The following ASS1 variants were observed in gnomAD, a reference collection of about 807,000 sequenced individuals.
ASS1 encodes argininosuccinate synthase 1, also known as argininosuccinate synthase.
Under a neutral mutation model 60.5 loss-of-function variants are expected in ASS1, and 58 were observed. The observed-to-expected ratio is 0.96, with a 90% CI of 0.78 to 1.19. The LOEUF is 1.19. Ranked by LOEUF, ASS1 falls within the 50% of genes most tolerant of loss-of-function variation. ASS1 has a pLI of 0.00. For missense variants in ASS1, 454 were observed against 547.3 expected (o/e 0.83, Z 1.70); for synonymous variants, 200 against 206.9 (o/e 0.97, Z 0.29).
At chr9:130,492,032 G>A (rs1244603510) in intron 12 of ASS1, among the ~76,000 whole-genome samples, 2 of 152,192 alleles carry the variant, frequency 1.3e-5, no homozygotes, top group Non-Finnish European at 2.9e-5. Context: ...TCTGAAGAGT[G>A]GGAATAACAG....
chr9:130,500,427 GCTCC>G (rs1221199849), intron 14 of ASS1, among the ~76,000 whole-genome samples: 2 of 152,172 alleles, frequency 1.3e-5, no homozygotes, highest in East Asian at 1.9e-4. Flanking sequence ...TCCATCACCA[GCTCC>G]CTTCTCATGG....
chr9:130,495,436 C>A (rs1846564458), intron 13 of ASS1, among the ~76,000 whole-genome samples: 1 of 146,434 alleles, frequency 6.8e-6, no homozygotes, highest in East Asian at 2.0e-4. Context: ...TATATACACA[C>A]ACACATACAT....
At chr9:130,490,935 C>T (rs570407462) in intron 12 of ASS1, among the ~76,000 whole-genome samples, 13 of 152,288 alleles carry the variant, frequency 8.5e-5, no homozygotes, top group Middle Eastern at 3.4e-3. Flanking sequence ...TGAGGCCGAT[C>T]CTCACATCTT....
chr9:130,499,362 G>C, intron 13 of ASS1, 143 bp from the exon 14 acceptor site: 1 of 853,298 alleles, frequency 1.2e-6, no homozygotes, highest in South Asian at 1.5e-5. Flanking sequence ...TCAATGGAAA[G>C]CCGACGTGCA....
chr9:130,467,045 C>T (rs373463553), intron 6 of ASS1, among the ~76,000 whole-genome samples: 4 of 152,216 alleles, frequency 2.6e-5, no homozygotes, highest in Non-Finnish European at 5.9e-5. Flanking sequence ...CCCAGTCCCC[C>T]GAGCCAGAGG....
chr9:130,452,902 C>G (rs1042638296), intron 2 of ASS1, among the ~76,000 whole-genome samples: 1 of 152,192 alleles, frequency 6.6e-6, no homozygotes, highest in Admixed American at 6.5e-5. Context: ...GAGTCCTTCT[C>G]TGTGTGGCTG....
intron 1 of ASS1, among the ~76,000 whole-genome samples, chr9:130,450,595 T>C (rs1339335003): frequency 1.3e-5 from 2 of 152,216 alleles, no homozygotes; most frequent in East Asian, 3.9e-4. Flanking sequence ...AGCACAGGCC[T>C]GTGAGCCCCG....
At chr9:130,483,167 T>C (rs1846211072) in intron 11 of ASS1, among the ~76,000 whole-genome samples, 1 of 151,950 alleles carries the variant, frequency 6.6e-6, no homozygotes, top group Non-Finnish European at 1.5e-5. Flanking sequence ...CACTGTGGAT[T>C]CCCCCATGAC....
chr9:130,484,719 GTT>G (rs796178098), intron 11 of ASS1, among the ~76,000 whole-genome samples: 1 of 146,460 alleles, frequency 6.8e-6, no homozygotes, highest in Non-Finnish European at 1.5e-5. Flanking sequence ...TTCTGTCACT[GTT>G]TTTTTTTTCC....
intron 13 of ASS1, among the ~76,000 whole-genome samples, chr9:130,496,359 C>T (rs1289650210): frequency 1.3e-5 from 2 of 151,750 alleles, no homozygotes; most frequent in Admixed American, 6.6e-5. Flanking sequence ...AGATCAAGGG[C>T]GCATTGAGCC....
rs1226727006 is a variant in ASS1 at position 130,465,052 on chromosome 9, A to AT, written c.420+886dup. 6.6e-3 allele frequency among the ~76,000 whole-genome samples: 466 copies of AT among 70,256 alleles called. 1 individual carries two copies. The highest frequency in any genetic ancestry group is 0.01 in the Non-Finnish European group (350 of 34,394). 46.1% of individuals were successfully genotyped at this position (70,256 alleles called of 152,430 possible). A position where few individuals can be genotyped will look rare whatever the true frequency, so the allele number is the denominator to read the frequency against. On this transcript the variant is annotated intron_variant, in intron 5 of 14. Transcript: ENST00000352480. ...ATATGTTTTATATATATATATATAT[A>AT]TATATTTTTTTTTTTTCTTTTTCTG...
chr9:130,445,266 A>G (rs988988181), intron 1 of ASS1: 21 of 951,610 alleles, frequency 2.2e-5, no homozygotes, highest in Non-Finnish European at 2.6e-5. Context: ...GGGTCCGAAG[A>G]GCGGCTCGGG....
chr9:130,469,251 C>T (rs147935567), intron 6 of ASS1, among the ~76,000 whole-genome samples: 272 of 152,230 alleles, frequency 1.8e-3, no homozygotes, highest in African/African-American at 6.3e-3. Flanking sequence ...GGGCACAGGG[C>T]GAGTGTGTGG....
chr9:130,469,990 A>G (rs1334700956), intron 6 of ASS1, among the ~76,000 whole-genome samples: 1 of 152,170 alleles, frequency 6.6e-6, no homozygotes, highest in Non-Finnish European at 1.5e-5. Context: ...CCTGTGCCCT[A>G]TAAGCTTGGG....
At chr9:130,490,462 C>T (rs752579806) in intron 12 of ASS1, among the ~76,000 whole-genome samples, 17 of 151,894 alleles carry the variant, frequency 1.1e-4, no homozygotes, top group Non-Finnish European at 1.9e-4. Flanking sequence ...TACAGGCATG[C>T]GCCACCATGC....
chr9:130,489,127 C>T lies in ASS1; in HGVS notation c.839-206C>T, dbSNP rs569570531. ...GCATCTAGACATTTTCTCCACAAGC[C>T]GCAGAGTGGACTGTCGTGGCCCCAG... On this transcript the variant is annotated intron_variant, in intron 11 of 14. Coordinates refer to ENST00000352480, the MANE Select transcript of ASS1 (RefSeq NM_054012.4). The surrounding 1 kb of genome is among the most constrained non-coding windows in gnomAD (Gnocchi z 4.1). Among the ~76,000 whole-genome samples the T allele has an allele frequency of 5.5e-4, 83 of 152,128 alleles. 1 individual carries two copies. Among genetic ancestry groups the T allele is most frequent in the Non-Finnish European group, 5.3e-4 (36 of 68,024 alleles).
chr9:130,491,289 C>T lies in ASS1; in HGVS notation c.970+1825C>T, dbSNP rs1412723745. 6.6e-6 allele frequency among the ~76,000 whole-genome samples: 1 copy of T among 152,064 alleles called. No homozygotes were observed. The highest frequency in any genetic ancestry group is 2.4e-5 in the African/African-American group (1 of 41,434). Reference sequence around the variant, plus strand: ...GATTTTAGTTACAAAGTGAGAGAGTCATTAAGACGTGGCGGAGGAGAGAGC... The same window carrying T: ...GATTTTAGTTACAAAGTGAGAGAGTTATTAAGACGTGGCGGAGGAGAGAGC... On this transcript the variant is annotated intron_variant, in intron 12 of 14. Coordinates refer to ENST00000352480, the MANE Select transcript of ASS1 (RefSeq NM_054012.4). The surrounding 1 kb of genome is among the most constrained non-coding windows in gnomAD (Gnocchi z 5.3).
At chr9:130,490,173 G>C (rs1467924455) in intron 12 of ASS1, among the ~76,000 whole-genome samples, 1 of 152,224 alleles carries the variant, frequency 6.6e-6, no homozygotes, top group Admixed American at 6.5e-5. Flanking sequence ...TGGAATCCAG[G>C]CCTCCTGACT....
Position 130,501,095 on chromosome 9 carries a change from A to C in ASS1, c.*74A>C. 1.3e-6 allele frequency: 2 copies of C among 1,493,206 alleles called. No individual in the cohort carries two copies. The highest frequency in any genetic ancestry group is 1.1e-5 in the South Asian group (1 of 88,614). 92.5% of individuals were successfully genotyped at this position (1,493,206 alleles called of 1,614,324 possible). ...AAGTACAGGCGCTAATTGTTGTGAT[A>C]ATTTGTAATTGTGACTTGTTCTCCC... On this transcript the variant is annotated 3_prime_UTR_variant, in exon 15 of 15. Coordinates refer to ENST00000352480, the MANE Select transcript of ASS1 (RefSeq NM_054012.4).
Sources: gnomAD v4.1 joint callset for allele counts (sites outside exome capture counted in the v4.1 genomes callset) on GRCh38, gnomAD v4.1.1 for gene constraint, Gnocchi (gnomAD v3.1) non-coding constraint, MANE v1.5 for transcripts, NCBI Gene and HGNC (gene_info 2026-07-23, HGNC 2026-07-21) for gene names.